The following PTPN3 variants were observed in gnomAD, a reference collection of about 807,000 sequenced individuals.
PTPN3 encodes protein tyrosine phosphatase non-receptor type 3.
A neutral mutation model predicts 132.7 loss-of-function variants in PTPN3; 96 were observed. The observed-to-expected ratio is 0.72, with a 90% CI of 0.61 to 0.86. The LOEUF (loss-of-function observed/expected upper bound fraction) is 0.86. Ranked by LOEUF, PTPN3 falls within the 40% of genes least tolerant of loss-of-function variation. PTPN3 has a pLI of 0.00. For missense variants in PTPN3, 1,125 were observed against 1,159.6 expected (o/e 0.97, Z 0.43); for synonymous variants, 398 against 429.0 (o/e 0.93, Z 0.89).
At chr9:109,425,603 T>G (rs771250785) in intron 12 of PTPN3, among the ~76,000 whole-genome samples, 7 of 149,148 alleles carry the variant, frequency 4.7e-5, no homozygotes, top group Non-Finnish European at 8.9e-5. Flanking sequence ...CCCAGCTACT[T>G]GGGAGGCTGA....
chr9:109,455,676 CT>C (rs1285189489), intron 4 of PTPN3, among the ~76,000 whole-genome samples: 3 of 152,204 alleles, frequency 2.0e-5, no homozygotes, highest in African/African-American at 7.2e-5. Flanking sequence ...TCCCCTCCCC[CT>C]CTTCTAAAAC....
At chr9:109,430,181 G>A (rs967121344) in intron 10 of PTPN3, among the ~76,000 whole-genome samples, 1 of 152,096 alleles carries the variant, frequency 6.6e-6, no homozygotes, top group African/African-American at 2.4e-5. Flanking sequence ...TGAAGTCGGG[G>A]GAGTCTCCTC....
At chr9:109,538,103 G>C in the PTPN3 span, among the ~76,000 whole-genome samples, 1 of 152,174 alleles carries the variant, frequency 6.6e-6, no homozygotes, top group Admixed American at 6.5e-5. Context: ...ACATAGAAAG[G>C]AATTACAGTT....
At chr9:109,444,358 A>G (rs1319907637) in intron 7 of PTPN3, among the ~76,000 whole-genome samples, 2 of 152,180 alleles carry the variant, frequency 1.3e-5, no homozygotes, top group Non-Finnish European at 2.9e-5. Context: ...AAGGGAATAT[A>G]CCCTCGATAA....
In PTPN3 at chr9:109,404,116, T is replaced by A. The variant is rs929631718; in HGVS notation, c.1953+332A>T. 1.6e-4 allele frequency among the ~76,000 whole-genome samples: 24 copies of A among 152,290 alleles called. No homozygotes were observed. The East Asian group carries it at 4.3e-3, about 27-fold the overall frequency. On this transcript the variant is annotated intron_variant, in intron 19 of 25. Transcript: ENST00000374541. ...TAAATACACTCAGAGTCCCTCCTCC[T>A]CAGTTTCTGGCATGTTTCTCCATGA...
At chr9:109,424,552 G>A (rs939425278) in intron 12 of PTPN3, among the ~76,000 whole-genome samples, 5 of 152,220 alleles carry the variant, frequency 3.3e-5, no homozygotes, top group South Asian at 2.1e-4. Context: ...TCTGCCTTTC[G>A]CTCCTGGAAC....
chr9:109,404,082 G>T (rs1457915604), intron 19 of PTPN3, among the ~76,000 whole-genome samples: 1 of 152,202 alleles, frequency 6.6e-6, no homozygotes, highest in East Asian at 1.9e-4. Flanking sequence ...GAGCTTTTGT[G>T]TTGGCAGTTA....
chr9:109,436,481 TA>T (rs972985482), intron 9 of PTPN3, among the ~76,000 whole-genome samples: 2 of 152,168 alleles, frequency 1.3e-5, no homozygotes, highest in African/African-American at 2.4e-5. Flanking sequence ...ATAATCTTTT[TA>T]AAAAAACTAT....
chr9:109,445,125 C>T, intron 7 of PTPN3, 115 bp downstream of exon 7: 2 of 1,034,434 alleles, frequency 1.9e-6, no homozygotes, highest in Admixed American at 1.9e-5. Flanking sequence ...AGATATGCTG[C>T]CCAGCAGGAT....
intron 1 of PTPN3, among the ~76,000 whole-genome samples, chr9:109,465,919 G>C (rs542869693): frequency 6.6e-6 from 1 of 152,054 alleles, no homozygotes; most frequent in East Asian, 1.9e-4. Context: ...TGCTTGCAAA[G>C]CTCTTTCTGC....
chr9:109,524,120 T>C, the PTPN3 span, among the ~76,000 whole-genome samples: 1 of 152,110 alleles, frequency 6.6e-6, no homozygotes, highest in Non-Finnish European at 1.5e-5. Context: ...GATGTGCACC[T>C]GTGGTCCCAG....
the PTPN3 span, among the ~76,000 whole-genome samples, chr9:109,524,109 T>A: frequency 1.3e-5 from 2 of 152,090 alleles, no homozygotes; most frequent in African/African-American, 4.8e-5. Flanking sequence ...TAGCTGGGCC[T>A]GATGTGCACC....
Position 109,408,371 on chromosome 9 carries a change from C to A in PTPN3, c.1585G>T (p.Val529Leu). 6.3e-7 allele frequency: 1 copy of A among 1,587,222 alleles called. No individual in the cohort carries two copies. Among genetic ancestry groups the A allele is most frequent in the Non-Finnish European group, 8.6e-7 (1 of 1,163,380 alleles). ...ACCACAAGAGGCATCTTTTGATCCA[C>A]TCCTCCCTGTAAACATTTTAAAATA... ...GKFGFNLKGG[V>L]DQKMPLVVSR... The change falls in exon 17 of 26, where the codon GTG (valine) becomes TTG (leucine). Residue 529 changes from valine (V) to leucine (L), a missense_variant. Coordinates refer to ENST00000374541, the MANE Select transcript of PTPN3 (RefSeq NM_002829.4).
the PTPN3 span, among the ~76,000 whole-genome samples, chr9:109,506,185 T>C: frequency 6.0e-3 from 907 of 151,644 alleles, 10 homozygotes; most frequent in African/African-American, 0.021. Context: ...TGACCTTGGG[T>C]CTCTGATGTC....
the PTPN3 span, among the ~76,000 whole-genome samples, chr9:109,513,460 C>G: frequency 0.017 from 2,552 of 152,282 alleles, 87 homozygotes; most frequent in African/African-American, 0.058. Context: ...CTGTTCCCCC[C>G]CAGAACACCT....
chr9:109,407,808 A>G (rs1841691862), intron 17 of PTPN3, among the ~76,000 whole-genome samples: 1 of 152,186 alleles, frequency 6.6e-6, no homozygotes, highest in Admixed American at 6.5e-5. Flanking sequence ...TCGGCCTCCC[A>G]AAGTGCTGGG....
At chr9:109,492,715 C>G (rs1847517260) in intron 1 of PTPN3, among the ~76,000 whole-genome samples, 1 of 152,166 alleles carries the variant, frequency 6.6e-6, no homozygotes. Flanking sequence ...CATAACATTG[C>G]TCCAAAAATG....
intron 1 of PTPN3, among the ~76,000 whole-genome samples, chr9:109,464,398 A>G (rs538457578): frequency 1.3e-5 from 2 of 152,290 alleles, no homozygotes; most frequent in Non-Finnish European, 2.9e-5. Flanking sequence ...ACCAGGGCCT[A>G]CGTGAGGGTG....
chr9:109,420,059 T>C (rs997830542), intron 14 of PTPN3, among the ~76,000 whole-genome samples: 17 of 152,206 alleles, frequency 1.1e-4, no homozygotes, highest in East Asian at 3.8e-4. Context: ...AAAACTTTAA[T>C]AATCTAGAGA....
Sources: allele counts gnomAD v4.1 joint callset (sites outside exome capture counted in the v4.1 genomes callset), GRCh38; gene constraint gnomAD v4.1.1; transcripts MANE v1.5; gene names NCBI Gene and HGNC (gene_info 2026-07-23, HGNC 2026-07-21).